PALM2AKAP2: variants seen among roughly 807,000 people sequenced by gnomAD.
PALM2AKAP2 encodes PALM2 and AKAP2 fusion.
PALM2AKAP2 carries 37 observed loss-of-function variants against 71.5 expected under a neutral mutation model. The ratio of observed to expected loss-of-function variants is 0.52; its 90% confidence interval spans 0.40 to 0.68. PALM2AKAP2 has a LOEUF of 0.68. Among genes scored for constraint, PALM2AKAP2 ranks in the 30% least tolerant of loss-of-function variants. PALM2AKAP2 has a pLI of 0.00. For synonymous variants in PALM2AKAP2, 468 were observed against 478.8 expected (o/e 0.98, Z 0.29); for missense variants, 1,224 against 1,191.8 (o/e 1.03, Z -0.40).
chr9:109,725,253 C>G (rs887201245), intron 1 of PALM2AKAP2, among the ~76,000 whole-genome samples: 1 of 152,060 alleles, frequency 6.6e-6, no homozygotes, highest in Admixed American at 6.5e-5. Context: ...TTGATTCTAC[C>G]TTTATTTCAA....
At chr9:109,755,690 GC>G (rs1053525063) in intron 1 of PALM2AKAP2, among the ~76,000 whole-genome samples, 1 of 151,416 alleles carries the variant, frequency 6.6e-6, no homozygotes, top group Non-Finnish European at 1.5e-5. Context: ...ATAGTCCCCA[GC>G]CCCCACCTCC....
At chr9:109,943,029 G>A (rs776896335) in intron 6 of PALM2AKAP2, 26 of 1,614,092 alleles carry the variant, frequency 1.6e-5, no homozygotes, top group Non-Finnish European at 2.2e-5. Context: ...TGGTACATAA[G>A]TCTAGGAAAG....
intron 1 of PALM2AKAP2, among the ~76,000 whole-genome samples, chr9:110,102,870 G>A (rs1835033354): frequency 6.6e-6 from 1 of 152,116 alleles, no homozygotes; most frequent in Admixed American, 6.5e-5. Flanking sequence ...AGCCACCGAA[G>A]CCAGTGATGC....
intron 3 of PALM2AKAP2, among the ~76,000 whole-genome samples, chr9:110,157,768 A>G (rs371495093): frequency 1.3e-5 from 2 of 152,280 alleles, no homozygotes; most frequent in African/African-American, 4.8e-5. Context: ...CTTGAATGCT[A>G]TGAAGTTCAC....
At position 109,867,588 on chromosome 9, in the gene PALM2AKAP2, A is replaced by T. The variant is rs760973839; in HGVS notation, c.126+17A>T. On this transcript the variant is annotated intron_variant, in intron 2 of 9. Transcript: ENST00000302798. Reference sequence around the variant, plus strand: ...CATTCCAAGGTAAGCAGCTGATCCCAGGAACCTATTCCATTATTAGACATG... The same window carrying T: ...CATTCCAAGGTAAGCAGCTGATCCCTGGAACCTATTCCATTATTAGACATG... 19 of 1,608,854 alleles carry T rather than the reference A, an allele frequency of 1.2e-5. No individual in the cohort carries two copies. The South Asian group carries it at 1.4e-4, about 12-fold the overall frequency.
At chr9:109,648,075 GA>G (rs1325600353) in intron 1 of PALM2AKAP2, among the ~76,000 whole-genome samples, 1 of 152,174 alleles carries the variant, frequency 6.6e-6, no homozygotes, top group Non-Finnish European at 1.5e-5. Flanking sequence ...GATAGTGAGT[GA>G]ATTCTCACAA....
chr9:109,881,161 T>C (rs1476563269), intron 3 of PALM2AKAP2, among the ~76,000 whole-genome samples: 1 of 152,160 alleles, frequency 6.6e-6, no homozygotes, highest in African/African-American at 2.4e-5. Context: ...CTGTGTTAGT[T>C]TGGTAAGGAT....
chr9:109,766,481 G>A (rs1357545481), intron 1 of PALM2AKAP2, among the ~76,000 whole-genome samples: 1 of 152,176 alleles, frequency 6.6e-6, no homozygotes, highest in Admixed American at 6.5e-5. Context: ...GACTCATTGC[G>A]ATTTCCTCAA....
intron 1 of PALM2AKAP2, among the ~76,000 whole-genome samples, chr9:109,726,030 A>T (rs958533367): frequency 1.3e-5 from 2 of 152,200 alleles, no homozygotes; most frequent in Non-Finnish European, 2.9e-5. Flanking sequence ...AGCTCTGCCC[A>T]TCACCCAGGA....
upstream of PALM2AKAP2, among the ~76,000 whole-genome samples, chr9:109,778,064 A>T (rs1005362570): frequency 1.8e-4 from 28 of 152,198 alleles, no homozygotes; most frequent in Non-Finnish European, 3.7e-4. Context: ...AAAATACAAA[A>T]CTTAAAATTT....
At chr9:110,060,411 C>T (rs1833938975) in intron 1 of PALM2AKAP2, among the ~76,000 whole-genome samples, 5 of 152,052 alleles carry the variant, frequency 3.3e-5, no homozygotes, top group Non-Finnish European at 1.5e-5. Context: ...GACAACTACT[C>T]TTTGGGGTCC....
At position 109,935,675 on chromosome 9, in the gene PALM2AKAP2, G is replaced by A. The variant is rs1437551151; in HGVS notation, c.496+3647G>A. 3.3e-5 allele frequency among the ~76,000 whole-genome samples: 5 copies of A among 152,200 alleles called. 1 individual carries two copies. The South Asian group carries it at 6.2e-4, about 19-fold the overall frequency. On this transcript the variant is annotated intron_variant, in intron 6 of 9. Coordinates refer to the PALM2AKAP2 transcript ENST00000302798. ...GCTAGCCATGATGTCAAGCTCCTTC[G>A]ATGTAGTTTAGAATCCCCTCATTCT...
intron 6 of PALM2AKAP2, among the ~76,000 whole-genome samples, chr9:110,006,661 C>A (rs543872907): frequency 1.3e-5 from 2 of 151,982 alleles, no homozygotes; most frequent in Non-Finnish European, 2.9e-5. Context: ...CCATTCCTGG[C>A]CCTGAGTGTG....
At chr9:109,995,251 C>T (rs1442391525) in intron 6 of PALM2AKAP2, among the ~76,000 whole-genome samples, 4 of 152,038 alleles carry the variant, frequency 2.6e-5, no homozygotes, top group Non-Finnish European at 4.4e-5. Context: ...CCAGGAGAGG[C>T]CTCATGTAGT....
chr9:109,948,058 C>G (rs981804139), intron 6 of PALM2AKAP2, among the ~76,000 whole-genome samples: 1 of 152,152 alleles, frequency 6.6e-6, no homozygotes, highest in Non-Finnish European at 1.5e-5. Context: ...ATGTTTGATT[C>G]CTGCTACCAC....
chr9:109,880,419 A>T, intron 2 of PALM2AKAP2, 132 bp from the exon 3 acceptor site: 2 of 1,323,302 alleles, frequency 1.5e-6, no homozygotes, highest in Non-Finnish European at 2.0e-6. Flanking sequence ...GAGCCATGTT[A>T]GTGAGGAGGT....
intron 5 of PALM2AKAP2, among the ~76,000 whole-genome samples, chr9:109,928,647 C>A (rs1006432185): frequency 1.3e-5 from 2 of 151,560 alleles, no homozygotes; most frequent in African/African-American, 4.8e-5. Flanking sequence ...ATGCCCCATT[C>A]TCCACTCCCT....
intron 1 of PALM2AKAP2, among the ~76,000 whole-genome samples, chr9:109,831,863 A>C (rs939660968): frequency 6.6e-6 from 1 of 152,214 alleles, no homozygotes; most frequent in African/African-American, 2.4e-5. Flanking sequence ...TAGAAAAGAA[A>C]AATCTAAAAG....
chr9:109,964,634 G>A (rs12001487), intron 6 of PALM2AKAP2, among the ~76,000 whole-genome samples: 6,542 of 152,200 alleles, frequency 0.043, 283 homozygotes, highest in East Asian at 0.17. Context: ...TGGCTTGCCT[G>A]CCTACCACCT....
Sources: gnomAD v4.1 joint callset for allele counts (sites outside exome capture counted in the v4.1 genomes callset) on GRCh38, gnomAD v4.1.1 for gene constraint, MANE v1.5 for transcripts, NCBI Gene and HGNC (gene_info 2026-07-23, HGNC 2026-07-21) for gene names.